The following PDZD2 variants were observed in gnomAD, a reference collection of about 807,000 sequenced individuals.
PDZD2 encodes PDZ domain containing 2, also known as PDZ domain-containing protein 2.
Under a neutral mutation model 220.7 loss-of-function variants are expected in PDZD2, and 90 were observed. The observed-to-expected ratio is 0.41, with a 90% CI of 0.34 to 0.49. The LOEUF is 0.49. Among genes scored for constraint, PDZD2 ranks in the 20% least tolerant of loss-of-function variants. The pLI is 0.28. For synonymous variants in PDZD2, 1,375 were observed against 1,450.5 expected, an observed-to-expected ratio of 0.95 and a Z score of 1.18; for missense variants, 3,174 against 3,608.5, an observed-to-expected ratio of 0.88 and a Z score of 3.08.
chr5:32,098,218 G>T lies in PDZD2; in HGVS notation c.7948-146G>T. 1.3e-6 allele frequency: 1 copy of T among 777,160 alleles called. No individual in the cohort carries two copies. The allele number at this position is 777,160 out of a possible 1,614,324, so 48.1% of individuals were successfully genotyped here. ...GATTGCACCACTGTACTCCAGCCTG[G>T]GTGACACAGCGAGACTCCCTCTCAA... On this transcript the variant is annotated intron_variant, in intron 22 of 24. Coordinates refer to ENST00000438447, the MANE Select transcript of PDZD2 (RefSeq NM_178140.4). This position sits in a 1 kb window ranked among gnomAD's most constrained non-coding sequence, Gnocchi z 4.1.
chr5:32,093,655 T>C (rs1462225843), intron 21 of PDZD2, among the ~76,000 whole-genome samples: 1 of 152,190 alleles, frequency 6.6e-6, no homozygotes, highest in Non-Finnish European at 1.5e-5. Flanking sequence ...TACAACAACG[T>C]AAGTTAGAGA....
intron 2 of PDZD2, among the ~76,000 whole-genome samples, chr5:31,824,969 C>T (rs1756125946): frequency 6.6e-6 from 1 of 152,038 alleles, no homozygotes; most frequent in African/African-American, 2.4e-5. Context: ...AAAAACAGAC[C>T]CTTTGACATG....
intron 1 of PDZD2, among the ~76,000 whole-genome samples, chr5:31,648,367 C>T (rs1745213057): frequency 6.6e-6 from 1 of 152,276 alleles, no homozygotes; most frequent in South Asian, 2.1e-4. Context: ...CTAGTTCTTT[C>T]CTTCTCCTCC....
chr5:32,024,940 G>T (rs1754514026), intron 6 of PDZD2, among the ~76,000 whole-genome samples: 1 of 152,216 alleles, frequency 6.6e-6, no homozygotes, highest in Non-Finnish European at 1.5e-5. Flanking sequence ...CAAGTGCTGG[G>T]CCAGATTTGG....
chr5:31,755,106 C>T (rs1447991245), intron 1 of PDZD2, among the ~76,000 whole-genome samples: 1 of 152,172 alleles, frequency 6.6e-6, no homozygotes, highest in Non-Finnish European at 1.5e-5. Context: ...AACCCGTGGC[C>T]GACTGATGGC....
chr5:31,858,151 C>G (rs568013908), intron 2 of PDZD2, among the ~76,000 whole-genome samples: 55 of 151,976 alleles, frequency 3.6e-4, no homozygotes, highest in African/African-American at 1.3e-3. Flanking sequence ...TTAGTAGAGG[C>G]GGGGTTTCAC....
intron 1 of PDZD2, among the ~76,000 whole-genome samples, chr5:31,753,616 T>TAAAC (rs750960951): frequency 1.5e-4 from 23 of 152,124 alleles, no homozygotes; most frequent in African/African-American, 3.6e-4. Context: ...AATAAATAAA[T>TAAAC]AAACAAACAA....
chr5:31,644,925 G>A (rs989228355), intron 1 of PDZD2, among the ~76,000 whole-genome samples: 6 of 152,182 alleles, frequency 3.9e-5, no homozygotes, highest in South Asian at 2.1e-4. Context: ...GGCCTGAAGA[G>A]GTTTTGGAGA....
At chr5:31,764,196 A>T (rs554991018) in intron 1 of PDZD2, among the ~76,000 whole-genome samples, 1 of 152,348 alleles carries the variant, frequency 6.6e-6, no homozygotes, top group Admixed American at 6.5e-5. Context: ...AAAGTAAAGC[A>T]TGATTCTGAC....
chr5:31,776,346 G>A (rs1055002027), intron 1 of PDZD2, among the ~76,000 whole-genome samples: 1 of 152,052 alleles, frequency 6.6e-6, no homozygotes, highest in Non-Finnish European at 1.5e-5. Context: ...TCCCATCTGA[G>A]CTATGAGGAA....
At position 31,799,776 on chromosome 5, in the gene PDZD2, G is replaced by A. The variant is rs764582539; in HGVS notation, c.476+52G>A. 4 of 1,218,856 alleles carry A rather than the reference G, an allele frequency of 3.3e-6. No homozygotes were observed. In the African/African-American group the frequency reaches 5.9e-5, roughly 18 times the overall value. 75.5% of individuals were successfully genotyped at this position (1,218,856 alleles called of 1,614,324 possible). On this transcript the variant is annotated intron_variant, in intron 2 of 24. Coordinates refer to ENST00000438447, the MANE Select transcript of PDZD2 (RefSeq NM_178140.4). The stretch of plus-strand genomic sequence containing the variant: ...CAGGGGCTGGACACGGGAACCTGGT[G>A]GTTCCCAGATCTGCAGCTGCAGAGG...
intron 2 of PDZD2, among the ~76,000 whole-genome samples, chr5:31,910,410 CT>C (rs3037132): frequency 0.42 from 56,200 of 132,946 alleles, 12,226 homozygotes; most frequent in Non-Finnish European, 0.51. Flanking sequence ...CTTTTCCTTT[CT>C]TTTTTTTTTT....
chr5:31,854,783 C>A (rs1365410620), intron 2 of PDZD2: 1 of 169,000 alleles, frequency 5.9e-6, no homozygotes, highest in East Asian at 1.9e-4. Flanking sequence ...CTTTTCCCGG[C>A]GAGGGGAGTG....
chr5:31,875,724 C>A lies in PDZD2; in HGVS notation c.476+76000C>A, dbSNP rs143266876. On this transcript the variant is annotated intron_variant, in intron 2 of 24. Transcript: ENST00000438447. The stretch of plus-strand genomic sequence containing the variant: ...ATTTGGGATTATATATATACACACA[C>A]CCCAAATCAATTAAAAATCCAGTGC... Among the ~76,000 whole-genome samples the A allele has an allele frequency of 9.3e-3, 1,387 of 149,914 alleles. 12 individuals are homozygous for A. Among genetic ancestry groups the A allele is most frequent in the Middle Eastern group, 0.056 (16 of 288 alleles).
rs1366654452 is a variant in PDZD2, at chr5:32,000,059, C to T, written c.1122-80C>T. 4 of 1,313,682 alleles carry T rather than the reference C, an allele frequency of 3.0e-6. No individual in the cohort carries two copies. Among genetic ancestry groups the T allele is most frequent in the East Asian group, 4.8e-5 (2 of 42,036 alleles). The allele number at this position is 1,313,682 out of a possible 1,614,324, so 81.4% of individuals were successfully genotyped here. A position where few individuals can be genotyped will look rare whatever the true frequency, so the allele number is the denominator to read the frequency against. ...ATCTTAACCGTCCCTCCTCACAACCCTCCCTAGCTCCAGAAAATGGCCCTT... is the reference window on the plus strand; with the variant it reads ...ATCTTAACCGTCCCTCCTCACAACCTTCCCTAGCTCCAGAAAATGGCCCTT... On this transcript the variant is annotated intron_variant, in intron 4 of 24. Coordinates refer to ENST00000438447, the MANE Select transcript of PDZD2 (RefSeq NM_178140.4). This position sits in a 1 kb window ranked among gnomAD's most constrained non-coding sequence, Gnocchi z 4.5.
At chr5:31,924,574 G>A (rs192297028) in intron 2 of PDZD2, among the ~76,000 whole-genome samples, 21 of 152,242 alleles carry the variant, frequency 1.4e-4, no homozygotes, top group Admixed American at 1.1e-3. Context: ...GTGTTGCCTC[G>A]TAGTGGTGGG....
intron 2 of PDZD2, among the ~76,000 whole-genome samples, chr5:31,872,350 C>G (rs988742105): frequency 6.6e-6 from 1 of 152,166 alleles, no homozygotes; most frequent in Non-Finnish European, 1.5e-5. Context: ...ACACAGGTCA[C>G]TTCTCTAGCT....
At chr5:32,077,839 C>T (rs1041912751) in intron 19 of PDZD2, 2 of 420,270 alleles carry the variant, frequency 4.8e-6, no homozygotes, top group African/African-American at 2.1e-5. Flanking sequence ...CACCTTTAAT[C>T]CCAGCTACTT....
chr5:31,909,770 T>G (rs1743007082), intron 2 of PDZD2, among the ~76,000 whole-genome samples: 1 of 152,238 alleles, frequency 6.6e-6, no homozygotes, highest in African/African-American at 2.4e-5. Flanking sequence ...CTCATATAGT[T>G]TATGAAGCAA....
Sources: allele counts gnomAD v4.1 joint callset (sites outside exome capture counted in the v4.1 genomes callset), GRCh38; gene constraint gnomAD v4.1.1; non-coding constraint Gnocchi (gnomAD v3.1); transcripts MANE v1.5; gene names NCBI Gene and HGNC (gene_info 2026-07-23, HGNC 2026-07-21).